The following FSIP2 variants were observed in gnomAD, a reference collection of about 807,000 sequenced individuals.
FSIP2 encodes the protein fibrous sheath-interacting protein 2.
In FSIP2, 367 loss-of-function variants were observed where a neutral mutation model predicts 510.5. The ratio of observed to expected loss-of-function variants is 0.72; its 90% CI spans 0.66 to 0.78. FSIP2 has a LOEUF of 0.78. Among genes scored for constraint, FSIP2 ranks in the 30% least tolerant of loss-of-function variants. The pLI is 0.00. For missense variants in FSIP2, 7,594 were observed against 7,901.7 expected (o/e 0.96, Z 1.48); for synonymous variants, 2,601 against 2,732.2 (o/e 0.95, Z 1.50).
At chr2:185,810,920 A>G (rs2105661881) in intron 17 of FSIP2, among the ~76,000 whole-genome samples, 1 of 152,186 alleles carries the variant, frequency 6.6e-6, no homozygotes, top group South Asian at 2.1e-4. Context: ...GAACTAGAGC[A>G]AAGGTCACTT....
chr2:185,779,303 T>C (rs1333550842), intron 13 of FSIP2, among the ~76,000 whole-genome samples: 1 of 151,712 alleles, frequency 6.6e-6, no homozygotes, highest in Non-Finnish European at 1.5e-5. Context: ...TTATCTAGTT[T>C]TTTTTTTACT....
chr2:185,765,847 A>G (rs1411529779), intron 13 of FSIP2: 1 of 151,510 alleles, frequency 6.6e-6, no homozygotes, highest in Non-Finnish European at 1.5e-5. Flanking sequence ...TTCTCCTTGA[A>G]GAGGTCCTTC....
intron 18 of FSIP2, among the ~76,000 whole-genome samples, chr2:185,815,103 T>C (rs1693804186): frequency 6.6e-6 from 1 of 152,000 alleles, no homozygotes; most frequent in Non-Finnish European, 1.5e-5. Context: ...TAGAAGAAAA[T>C]TCGACTCTTT....
At chr2:185,770,694 C>A (rs966039158) in intron 13 of FSIP2, among the ~76,000 whole-genome samples, 9 of 152,128 alleles carry the variant, frequency 5.9e-5, no homozygotes, top group Non-Finnish European at 1.0e-4. Flanking sequence ...CACTGGCCAC[C>A]AAATCTCATG....
chr2:185,831,531 C>G (rs12612968), intron 21 of FSIP2, among the ~76,000 whole-genome samples: 147,471 of 151,962 alleles, frequency 0.97, 71,638 homozygotes, highest in Middle Eastern at 1. Context: ...AGACAGAGCT[C>G]AGATTTTTCA....
chr2:185,790,207 A>T lies in FSIP2; in HGVS notation c.3071A>T (p.Lys1024Ile). 2.0e-6 allele frequency: 3 copies of T among 1,531,168 alleles called. No homozygotes were observed. The South Asian group carries it at 3.6e-5, about 18-fold the overall frequency. 94.8% of individuals were successfully genotyped at this position (1,531,168 alleles called of 1,614,324 possible). Residue 1024 changes from lysine to isoleucine, a missense_variant, in exon 16 of 23, where the codon AAA (lysine) becomes ATA (isoleucine). By Grantham distance (102) the Lys-to-Ile change is moderately radical (BLOSUM62 -3). Coordinates refer to ENST00000424728, the MANE Select transcript of FSIP2 (RefSeq NM_173651.4). The stretch of plus-strand genomic sequence containing the variant: ...CTTGATTCAACTTTCAAAGATGAAA[A>T]AGTAAAATCACAAGAACAGATTCCT... ...NVLDSTFKDE[K>I]VKSQEQIPNH...
In FSIP2 at chr2:185,833,174, G is replaced by T. The variant is rs1694138127; in HGVS notation, c.20672G>T (p.Cys6891Phe). Residue 6891 changes from cysteine (C) to phenylalanine (F), a missense_variant, in exon 23 of 23, where the codon TGT becomes TTT. Cys to Phe is a radical substitution (Grantham distance 205). Transcript: ENST00000424728. Reference protein sequence around the residue: ...SSTLSKVFSQCNTNISRSSSP... With the variant: ...SSTLSKVFSQFNTNISRSSSP... Reference sequence around the variant, plus strand: ...ACTTTGTCAAAGGTGTTTTCTCAATGTAACACCAATATTTCCAGATCTTCC... The same window carrying T: ...ACTTTGTCAAAGGTGTTTTCTCAATTTAACACCAATATTTCCAGATCTTCC... The T allele has an allele frequency of 6.2e-7, 1 of 1,609,974 alleles. No homozygotes were observed. Among genetic ancestry groups the T allele is most frequent in the Non-Finnish European group, 8.5e-7 (1 of 1,177,044 alleles).
intron 14 of FSIP2, chr2:185,783,543 T>A (rs1692900034): frequency 6.6e-6 from 1 of 152,142 alleles, no homozygotes; most frequent in African/African-American, 2.4e-5. Flanking sequence ...CAGACAAGGC[T>A]TCCTGAAATA....
At chr2:185,747,488 A>G (rs1692057633) in intron 7 of FSIP2, 65 bp downstream of exon 7, 1 of 853,572 alleles carries the variant, frequency 1.2e-6, no homozygotes, top group Non-Finnish European at 1.9e-6. Context: ...GGTTTTTTGA[A>G]GTACAAATCA....
Position 185,781,527 on chromosome 2 carries a change from G to A in FSIP2, c.1412-1178G>A, listed in dbSNP as rs989070378. Among the ~76,000 whole-genome samples the A allele has an allele frequency of 2.0e-5, 3 of 152,048 alleles. No homozygotes were observed. The East Asian group carries it at 5.8e-4, about 30-fold the overall frequency. On this transcript the variant is annotated intron_variant, in intron 13 of 22. Coordinates refer to ENST00000424728, the MANE Select transcript of FSIP2 (RefSeq NM_173651.4). ...CTTAGTTTTAATTCTCCATCTTTTG[G>A]GGGGGCCCAATGTCTTGTTTTAAAT...
chr2:185,809,657 C>T (rs1693683873), intron 17 of FSIP2, among the ~76,000 whole-genome samples: 2 of 152,022 alleles, frequency 1.3e-5, no homozygotes, highest in Admixed American at 6.6e-5. Context: ...TCTTAGATTA[C>T]ATTTGTTCTA....
At position 185,805,691 on chromosome 2, in the gene FSIP2, T is replaced by G; in HGVS notation, c.16385T>G (p.Leu5462Trp). ...GATTGCAAAAACATGATGAGCACTTTGGAAATAAATAGAGGTACAATGAAT... is the reference window on the plus strand; with the variant it reads ...GATTGCAAAAACATGATGAGCACTTGGGAAATAAATAGAGGTACAATGAAT... The part of the protein sequence containing the change: ...TPDCKNMMST[L>W]EINRGTMNRK... The change falls in exon 17 of 23, where the codon TTG becomes TGG. Residue 5462 changes from leucine (L) to tryptophan (W), a missense_variant. Physicochemically the swap from Leu to Trp is moderately conservative, Grantham distance 61. Transcript: ENST00000424728. 6.2e-7 allele frequency: 1 copy of G among 1,610,542 alleles called. No individual in the cohort carries two copies. The highest frequency in any genetic ancestry group is 1.1e-5 in the South Asian group (1 of 90,716).
At chr2:185,746,916 A>G in intron 6 of FSIP2, 106 bp downstream of exon 6, 1 of 797,886 alleles carries the variant, frequency 1.3e-6, no homozygotes, top group Non-Finnish European at 1.9e-6. Flanking sequence ...ATTTCAGTTC[A>G]AAATAATTTG....
rs190005153 is a variant in FSIP2 at position 185,786,273 on chromosome 2, T to C, written c.1491T>C (p.Asn497=). The C allele has an allele frequency of 5.2e-6, 8 of 1,524,370 alleles. No individual in the cohort carries two copies. Among genetic ancestry groups the C allele is most frequent in the South Asian group, 4.8e-5 (4 of 82,962 alleles). The allele number at this position is 1,524,370 out of a possible 1,614,324, so 94.4% of individuals were successfully genotyped here. The change falls in exon 15 of 23, where the codon AAT becomes AAC. Residue 497 remains asparagine, a synonymous_variant. Coordinates refer to ENST00000424728, the MANE Select transcript of FSIP2 (RefSeq NM_173651.4). ...YTNMQQNLLQ[N]CLQEKVTSEE... The stretch of plus-strand genomic sequence containing the variant: ...ACAGGCAACAGAACTTGCTGCAAAA[T>C]TGCTTGCAAGAAAAAGTATGTATCA...
chr2:185,794,031 T>C lies in FSIP2; in HGVS notation c.6895T>C (p.Phe2299Leu), dbSNP rs1371038085. The change falls in exon 16 of 23, where the codon TTT becomes CTT. Residue 2299 changes from phenylalanine to leucine, a missense_variant. Transcript: ENST00000424728. The part of the protein sequence containing the change: ...LENCKQNDSI[F>L]YDSSQVESDV... The stretch of plus-strand genomic sequence containing the variant: ...AAATTGTAAACAAAATGACAGCATC[T>C]TTTATGATTCAAGCCAAGTGGAATC... 5 of 1,533,888 alleles carry C rather than the reference T, an allele frequency of 3.3e-6. No individual in the cohort carries two copies. Among genetic ancestry groups the C allele is most frequent in the South Asian group, 2.4e-5 (2 of 83,872 alleles).
chr2:185,741,098 T>C (rs1460952283), intron 2 of FSIP2, among the ~76,000 whole-genome samples: 1 of 152,194 alleles, frequency 6.6e-6, no homozygotes, highest in Non-Finnish European at 1.5e-5. Context: ...TTTATTCCAT[T>C]ACAGGTGATA....
chr2:185,814,064 T>G (rs776795821), intron 18 of FSIP2, 22 bp downstream of exon 18: 1 of 1,586,618 alleles, frequency 6.3e-7, no homozygotes, highest in Non-Finnish European at 8.6e-7. Context: ...GCATGACTGT[T>G]AGTGACTAGA....
At chr2:185,777,595 A>C (rs776910685) in intron 13 of FSIP2, among the ~76,000 whole-genome samples, 37 of 152,136 alleles carry the variant, frequency 2.4e-4, no homozygotes, top group Admixed American at 1.2e-3. Context: ...TCTAATATGC[A>C]AAACTTCCTT....
chr2:185,778,565 G>A (rs981040731), intron 13 of FSIP2, among the ~76,000 whole-genome samples: 3 of 151,700 alleles, frequency 2.0e-5, no homozygotes, highest in Non-Finnish European at 2.9e-5. Flanking sequence ...ATTTTTGTTG[G>A]TGGTCATTTA....
Sources: allele counts gnomAD v4.1 joint callset (sites outside exome capture counted in the v4.1 genomes callset), GRCh38; gene constraint gnomAD v4.1.1; transcripts MANE v1.5; gene names NCBI Gene and HGNC (gene_info 2026-07-23, HGNC 2026-07-21).